The following STRN variants were observed in gnomAD, a reference collection of about 807,000 sequenced individuals.
STRN encodes the protein striatin, also known as protein phosphatase 2 regulatory subunit B'''alpha.
In STRN, 53 loss-of-function variants were observed where a neutral mutation model predicts 96.3. The observed-to-expected ratio is 0.55, with a 90% confidence interval of 0.44 to 0.69. STRN has a LOEUF of 0.69. Among genes scored for constraint, STRN ranks in the 30% least tolerant of loss-of-function variants. The probability of loss-of-function intolerance (pLI) is 0.00; values close to 1 mark genes in which losing one functional copy is unlikely to be tolerated. For missense variants in STRN, 987 were observed against 963.9 expected (o/e 1.02, Z -0.32); for synonymous variants, 428 against 355.9 (o/e 1.20, Z -2.28).
chr2:36,939,513 C>G (rs1449860710), intron 1 of STRN, among the ~76,000 whole-genome samples: 1 of 152,038 alleles, frequency 6.6e-6, no homozygotes, highest in Non-Finnish European at 1.5e-5. Context: ...AAAAGGCATT[C>G]AACAAAATTC....
intron 1 of STRN, among the ~76,000 whole-genome samples, chr2:36,960,328 G>A (rs1664996653): frequency 6.6e-6 from 1 of 152,142 alleles, no homozygotes; most frequent in Non-Finnish European, 1.5e-5. Flanking sequence ...ATGTTCTGAG[G>A]CTGACACTGA....
intron 7 of STRN, among the ~76,000 whole-genome samples, chr2:36,889,888 C>T (rs1356441523): frequency 6.6e-6 from 1 of 152,130 alleles, no homozygotes; most frequent in South Asian, 2.1e-4. Flanking sequence ...GTTGTGAGAA[C>T]AGTCAAGCAT....
intron 10 of STRN, among the ~76,000 whole-genome samples, chr2:36,874,064 G>A (rs537128673): frequency 6.6e-6 from 1 of 150,984 alleles, no homozygotes; most frequent in Non-Finnish European, 1.5e-5. Flanking sequence ...GACCATCCTG[G>A]CTAACACGGT....
intron 1 of STRN, among the ~76,000 whole-genome samples, chr2:36,965,287 T>C (rs1665131215): frequency 6.6e-6 from 1 of 152,234 alleles, no homozygotes; most frequent in African/African-American, 2.4e-5. Context: ...CTTTTGAAAT[T>C]GGTGTGTATG....
At chr2:36,954,447 G>C (rs1664832790) in intron 1 of STRN, among the ~76,000 whole-genome samples, 1 of 150,740 alleles carries the variant, frequency 6.6e-6, no homozygotes, top group Non-Finnish European at 1.5e-5. Context: ...AGTAGGCAGA[G>C]GTTGCAGTGA....
At chr2:36,880,986 C>T (rs1669053977) in intron 9 of STRN, among the ~76,000 whole-genome samples, 1 of 152,098 alleles carries the variant, frequency 6.6e-6, no homozygotes, top group Non-Finnish European at 1.5e-5. Context: ...CTGATTGTTC[C>T]TAAGGAGCCT....
intron 1 of STRN, among the ~76,000 whole-genome samples, chr2:36,965,375 C>T (rs1665133151): frequency 6.6e-6 from 1 of 152,236 alleles, no homozygotes; most frequent in Non-Finnish European, 1.5e-5. Flanking sequence ...GCCTCACTTT[C>T]ATTCTTTTCA....
At chr2:36,926,202 G>A (rs1670404452) in intron 1 of STRN, among the ~76,000 whole-genome samples, 1 of 152,186 alleles carries the variant, frequency 6.6e-6, no homozygotes, top group Non-Finnish European at 1.5e-5. Context: ...CAGTAAAACA[G>A]AGGGGTAGGA....
At chr2:36,962,104 G>A (rs918456184) in intron 1 of STRN, among the ~76,000 whole-genome samples, 2 of 152,076 alleles carry the variant, frequency 1.3e-5, no homozygotes, top group African/African-American at 4.8e-5. Context: ...AGCTTCATAA[G>A]GGCAAGATCT....
At chr2:36,905,180 G>T (rs923978702) in intron 4 of STRN, among the ~76,000 whole-genome samples, 10 of 152,132 alleles carry the variant, frequency 6.6e-5, no homozygotes, top group Non-Finnish European at 1.0e-4. Context: ...TGTTGGTGAG[G>T]CTGGTCTCAA....
intron 8 of STRN, among the ~76,000 whole-genome samples, chr2:36,885,253 T>C (rs1357227832): frequency 6.6e-6 from 1 of 152,204 alleles, no homozygotes. Context: ...AAGTCCTGGT[T>C]ACCTTTCCAA....
chr2:36,954,853 G>A (rs892806552), intron 1 of STRN, among the ~76,000 whole-genome samples: 4 of 151,946 alleles, frequency 2.6e-5, no homozygotes, highest in African/African-American at 7.3e-5. Context: ...TAGCTGGGCT[G>A]GTCTCAAACT....
chr2:36,940,077 T>C (rs1050523568), intron 1 of STRN, among the ~76,000 whole-genome samples: 2 of 152,208 alleles, frequency 1.3e-5, no homozygotes, highest in South Asian at 2.1e-4. Context: ...AAAATACTGA[T>C]AGTTTAATTT....
intron 9 of STRN, among the ~76,000 whole-genome samples, chr2:36,878,980 T>G (rs1195455051): frequency 1.3e-5 from 2 of 151,842 alleles, no homozygotes; most frequent in Non-Finnish European, 2.9e-5. Flanking sequence ...CGTGAACTCC[T>G]GACCTCAAGT....
chr2:36,861,457 TC>T (rs1321300249), intron 12 of STRN, among the ~76,000 whole-genome samples: 1 of 152,142 alleles, frequency 6.6e-6, no homozygotes, highest in Non-Finnish European at 1.5e-5. Flanking sequence ...GCAGGTCAAA[TC>T]CAACCACTGG....
chr2:36,896,355 T>A (rs187594231), intron 6 of STRN, among the ~76,000 whole-genome samples: 14 of 152,350 alleles, frequency 9.2e-5, no homozygotes, highest in Non-Finnish European at 1.8e-4. Context: ...TATCTCACTT[T>A]AAATAAATAA....
chr2:36,933,837 C>G (rs1021139583), intron 1 of STRN, among the ~76,000 whole-genome samples: 7 of 152,178 alleles, frequency 4.6e-5, no homozygotes, highest in Admixed American at 1.3e-4. Flanking sequence ...AGGCTGGGCA[C>G]GGTGGCTTAA....
At chr2:36,893,220 C>T (rs1310309953) in intron 7 of STRN, among the ~76,000 whole-genome samples, 1 of 152,056 alleles carries the variant, frequency 6.6e-6, no homozygotes, top group East Asian at 1.9e-4. Flanking sequence ...CAATATACAA[C>T]TCTAAGTAAG....
chr2:36,894,666 A>G (rs963314095), intron 6 of STRN, among the ~76,000 whole-genome samples: 2 of 152,236 alleles, frequency 1.3e-5, no homozygotes, highest in African/African-American at 4.8e-5. Context: ...TAAGATTTCA[A>G]TATCTCAGTT....
Sources: allele counts gnomAD v4.1 joint callset (sites outside exome capture counted in the v4.1 genomes callset), GRCh38; gene constraint gnomAD v4.1.1; transcripts MANE v1.5; gene names NCBI Gene and HGNC (gene_info 2026-07-23, HGNC 2026-07-21).